TBL1XR1: variants seen among roughly 807,000 people sequenced by gnomAD.
TBL1XR1 encodes TBL1X/Y related 1, also known as F-box-like/WD repeat-containing protein TBL1XR1.
TBL1XR1 carries 5 observed loss-of-function variants against 66.9 expected under a neutral mutation model. The observed-to-expected ratio is 0.07, with a 90% CI of 0.04 to 0.16. TBL1XR1 has a LOEUF of 0.16. TBL1XR1 is among the 10% of genes least tolerant of loss of function. The pLI is 1.00. For synonymous variants in TBL1XR1, 210 were observed against 206.0 expected, an observed-to-expected ratio of 1.02 and a Z score of -0.17; for missense variants, 238 against 623.2, an observed-to-expected ratio of 0.38 and a Z score of 6.58.
intron 10 of TBL1XR1, among the ~76,000 whole-genome samples, chr3:177,044,657 T>G (rs957961772): frequency 2.0e-5 from 3 of 152,202 alleles, no homozygotes; most frequent in Admixed American, 6.5e-5. Context: ...GTTCATTTTA[T>G]GTCAACTGTA....
intron 1 of TBL1XR1, among the ~76,000 whole-genome samples, chr3:177,128,903 T>C (rs1389276114): frequency 1.3e-5 from 2 of 152,220 alleles, no homozygotes; most frequent in Non-Finnish European, 2.9e-5. Flanking sequence ...TCCTCATTTA[T>C]GTCCATAAAT....
chr3:177,155,193 AAATTAAACAAAG>A (rs1260828994), intron 1 of TBL1XR1, among the ~76,000 whole-genome samples: 1 of 152,230 alleles, frequency 6.6e-6, no homozygotes, highest in Non-Finnish European at 1.5e-5. Flanking sequence ...GAAAAAGGGC[AAATTAAACAAAG>A]AAAGCGCTAA....
At chr3:177,072,576 T>C (rs1013466559) in intron 2 of TBL1XR1, among the ~76,000 whole-genome samples, 1 of 152,182 alleles carries the variant, frequency 6.6e-6, no homozygotes, top group African/African-American at 2.4e-5. Context: ...ATATGCTGTG[T>C]GTGTAACAAA....
At chr3:177,072,785 C>T (rs1378538551) in intron 2 of TBL1XR1, among the ~76,000 whole-genome samples, 1 of 152,188 alleles carries the variant, frequency 6.6e-6, no homozygotes, top group African/African-American at 2.4e-5. Context: ...ATGAAATGGC[C>T]AGGCGCAGTG....
At chr3:177,176,138 AAAAT>A (rs1252823467) in intron 1 of TBL1XR1, among the ~76,000 whole-genome samples, 4 of 152,136 alleles carry the variant, frequency 2.6e-5, no homozygotes, top group African/African-American at 7.2e-5. Flanking sequence ...TTTAAAAAGT[AAAAT>A]AAATAAAAAT....
At chr3:177,161,807 C>G (rs886115371) in intron 1 of TBL1XR1, among the ~76,000 whole-genome samples, 1 of 151,446 alleles carries the variant, frequency 6.6e-6, no homozygotes, top group African/African-American at 2.4e-5. Context: ...AAATCTAAGA[C>G]CCATCACCCA....
chr3:177,199,266 A>C (rs552870625), upstream of TBL1XR1, among the ~76,000 whole-genome samples: 1 of 152,366 alleles, frequency 6.6e-6, no homozygotes, highest in African/African-American at 2.4e-5. Context: ...GGGAAACCGC[A>C]CAAAGCAAGT....
At chr3:177,072,255 G>A (rs762185674) in intron 2 of TBL1XR1, among the ~76,000 whole-genome samples, 29 of 152,122 alleles carry the variant, frequency 1.9e-4, no homozygotes, top group African/African-American at 6.8e-4. Flanking sequence ...ATTGGGATCC[G>A]TAGACCCCTG....
chr3:177,173,783 T>A (rs73171135), intron 1 of TBL1XR1, among the ~76,000 whole-genome samples: 4,332 of 152,316 alleles, frequency 0.028, 70 homozygotes, highest in Non-Finnish European at 0.043. Flanking sequence ...TAGGTAAGAC[T>A]GTAATACTGA....
intron 1 of TBL1XR1, among the ~76,000 whole-genome samples, chr3:177,129,521 A>T (rs1300294362): frequency 6.6e-6 from 1 of 152,224 alleles, no homozygotes; most frequent in Non-Finnish European, 1.5e-5. Context: ...GTATGTTTAT[A>T]TGAAACACAA....
chr3:177,151,706 A>C (rs1730909170), intron 1 of TBL1XR1, among the ~76,000 whole-genome samples: 1 of 152,170 alleles, frequency 6.6e-6, no homozygotes. Context: ...AGCCACTGTG[A>C]AATATCAGAC....
upstream of TBL1XR1, among the ~76,000 whole-genome samples, chr3:177,199,197 T>G (rs541835215): frequency 1.6e-4 from 24 of 152,312 alleles, 1 homozygote; most frequent in South Asian, 5.0e-3. Flanking sequence ...GATTAAACAA[T>G]GTCACCCGAT....
At chr3:177,173,389 G>A (rs1028622703) in intron 1 of TBL1XR1, among the ~76,000 whole-genome samples, 1 of 152,094 alleles carries the variant, frequency 6.6e-6, no homozygotes, top group African/African-American at 2.4e-5. Context: ...GAAGGAACTT[G>A]GCACACATTA....
Position 177,038,116 on chromosome 3 carries a change from A to C in TBL1XR1, c.1104T>G (p.Ser368=), listed in dbSNP as rs556290275. The C allele has an allele frequency of 7.4e-6, 12 of 1,612,676 alleles. No homozygotes were observed. Among genetic ancestry groups the C allele is most frequent in the Non-Finnish European group, 9.3e-6 (11 of 1,179,768 alleles). The change falls in exon 12 of 16, where the codon TCT becomes TCG. Residue 368 remains serine, a synonymous_variant. Transcript: ENST00000457928. ...DPTGNLLASC[S]DDMTLKIWSM... Reference sequence around the variant, plus strand: ...AAATTACCTTTAAAGTCATGTCGTCAGAACAGGAGGCCAAGAGATTGCCAG... The same window carrying C: ...AAATTACCTTTAAAGTCATGTCGTCCGAACAGGAGGCCAAGAGATTGCCAG...
chr3:177,074,359 G>T lies in TBL1XR1; in HGVS notation c.-45-9337C>A, dbSNP rs114414332. 9.3e-3 allele frequency among the ~76,000 whole-genome samples: 1,423 copies of T among 152,196 alleles called. 13 individuals carry two copies. The highest frequency in any genetic ancestry group is 0.015 in the Non-Finnish European group (1,037 of 68,014). On this transcript the variant is annotated intron_variant, in intron 2 of 15. Transcript: ENST00000457928. ...TAGAAGATATTCAAGCATAAGATAG[G>T]GTTTTCCTTCTTTCCAAAGTCCTTG...
intron 1 of TBL1XR1, among the ~76,000 whole-genome samples, chr3:177,193,542 C>T (rs529493948): frequency 9.2e-5 from 14 of 152,272 alleles, no homozygotes; most frequent in African/African-American, 2.6e-4. Context: ...ATCTCTTGAC[C>T]TCGTGATCCG....
In TBL1XR1 at chr3:177,112,024, G is replaced by A. The variant is rs996618201; in HGVS notation, c.-121-13483C>T. ...AAGAACTAGGCCCTGAAACGAAGAA[G>A]AAAATATCTCCTGCCTTCTAAGAAA... On this transcript the variant is annotated intron_variant, in intron 1 of 15. Coordinates refer to ENST00000457928, the MANE Select transcript of TBL1XR1 (RefSeq NM_024665.7). 1.7e-4 allele frequency among the ~76,000 whole-genome samples: 20 copies of A among 116,740 alleles called. No homozygotes were observed. In the East Asian group the frequency reaches 4.9e-3, roughly 29 times the overall value. 76.6% of individuals were successfully genotyped at this position (116,740 alleles called of 152,430 possible).
In TBL1XR1 at chr3:177,020,940, A is replaced by C. The variant is rs576145360; in HGVS notation, c.*4558T>G. Reference sequence around the variant, plus strand: ...ACTAAAATACGTCGTAAGTGTAATTAACATGGTCCAGGACAGCACAGAACA... The same window carrying C: ...ACTAAAATACGTCGTAAGTGTAATTCACATGGTCCAGGACAGCACAGAACA... On this transcript the variant is annotated 3_prime_UTR_variant, in exon 16 of 16. Transcript: ENST00000457928. 4.6e-5 allele frequency: 7 copies of C among 152,304 alleles called. 1 individual carries two copies. The East Asian group carries it at 1.3e-3, about 29-fold the overall frequency. 9.4% of individuals were successfully genotyped at this position (152,304 alleles called of 1,614,324 possible).
intron 2 of TBL1XR1, among the ~76,000 whole-genome samples, chr3:177,083,762 A>C (rs143803178): frequency 1.3e-5 from 2 of 151,704 alleles, no homozygotes; most frequent in African/African-American, 4.9e-5. Flanking sequence ...CCATCAAGTA[A>C]TGGTTTTTTT....
Sources: gnomAD v4.1 joint callset for allele counts (sites outside exome capture counted in the v4.1 genomes callset) on GRCh38, gnomAD v4.1.1 for gene constraint, MANE v1.5 for transcripts, NCBI Gene and HGNC (gene_info 2026-07-23, HGNC 2026-07-21) for gene names.